The following SVOPL variants were observed in gnomAD, a reference collection of about 807,000 sequenced individuals.
SVOPL encodes putative transporter SVOPL.
A neutral mutation model predicts 61.0 loss-of-function variants in SVOPL; 60 were observed. The ratio of observed to expected loss-of-function variants is 0.98; its 90% CI spans 0.80 to 1.22. The LOEUF (loss-of-function observed/expected upper bound fraction) is 1.22, where lower values mean the gene tolerates loss of function less well. SVOPL is among the 50% of genes most tolerant of loss of function. The pLI is 0.00. For missense variants in SVOPL, 662 were observed against 643.9 expected (o/e 1.03, Z -0.30); for synonymous variants, 279 against 250.0 (o/e 1.12, Z -1.09).
intron 1 of SVOPL, chr7:138,689,098 A>T (rs992414754): frequency 1.3e-6 from 1 of 758,044 alleles, no homozygotes; most frequent in Non-Finnish European, 2.4e-6. Flanking sequence ...AAGGGTATGC[A>T]TATATGAAAA....
chr7:138,700,847 C>T (rs556682887), intron 1 of SVOPL, among the ~76,000 whole-genome samples: 76 of 152,248 alleles, frequency 5.0e-4, no homozygotes, highest in Non-Finnish European at 9.3e-4. Flanking sequence ...CTTCACAAAA[C>T]CTGGTGAGAA....
chr7:138,617,914 G>C (rs2116855045), intron 14 of SVOPL, among the ~76,000 whole-genome samples: 1 of 152,300 alleles, frequency 6.6e-6, no homozygotes, highest in Admixed American at 6.5e-5. Context: ...CCAAGGATCT[G>C]TGATCAAGTT....
chr7:138,621,012 ACT>A (rs752685109), intron 14 of SVOPL, 32 bp downstream of exon 14: 111 of 1,586,768 alleles, frequency 7.0e-5, no homozygotes, highest in Non-Finnish European at 8.2e-5. Flanking sequence ...CCTCTCTCAG[ACT>A]CTCTCTCTCC....
In SVOPL at chr7:138,594,468, C is replaced by T; in HGVS notation, c.*142G>A. ...TCAATATACAGTTACCTACCCCATTCCCATATATGCCTTTAAAAAAAAAAT... is the reference window on the plus strand; with the variant it reads ...TCAATATACAGTTACCTACCCCATTTCCATATATGCCTTTAAAAAAAAAAT... On this transcript the variant is annotated 3_prime_UTR_variant, in exon 16 of 16. Transcript: ENST00000674285. 1 of 541,072 alleles carries T rather than the reference C, an allele frequency of 1.8e-6. No homozygotes were observed. 33.5% of individuals were successfully genotyped at this position (541,072 alleles called of 1,614,324 possible).
At chr7:138,608,636 T>C (rs768646613) in intron 14 of SVOPL, among the ~76,000 whole-genome samples, 13 of 152,046 alleles carry the variant, frequency 8.6e-5, no homozygotes, top group Non-Finnish European at 1.9e-4. Flanking sequence ...AAGTTGGACA[T>C]GTACGATGTG....
intron 14 of SVOPL, among the ~76,000 whole-genome samples, chr7:138,611,886 T>C (rs1317363551): frequency 4.1e-5 from 3 of 72,936 alleles, no homozygotes; most frequent in Non-Finnish European, 5.5e-5. Context: ...CCACCCCGTC[T>C]GGGAGGTGTG....
intron 9 of SVOPL, among the ~76,000 whole-genome samples, chr7:138,640,920 G>A (rs761901011): frequency 6.6e-6 from 1 of 151,964 alleles, no homozygotes; most frequent in African/African-American, 2.4e-5. Flanking sequence ...AATAAGAGTT[G>A]ACTGGGTTAC....
In SVOPL at chr7:138,682,973, AAAAAAAAAAG is replaced by A. The variant is rs531946217; in HGVS notation, c.-34-3904_-34-3895del. ...ACAAGAGCAAAACTCCATCTCAAAA[AAAAAAAAAAG>A]AAAAAAAAAAGAAAAACAGCAATGT... On this transcript the variant is annotated intron_variant, in intron 1 of 15. Transcript: ENST00000674285. Among the ~76,000 whole-genome samples, 44 of 151,262 alleles carry A rather than the reference AAAAAAAAAAG, an allele frequency of 2.9e-4. No individual in the cohort carries two copies. The South Asian group carries it at 7.9e-3, about 27-fold the overall frequency.
intron 14 of SVOPL, among the ~76,000 whole-genome samples, chr7:138,606,654 G>A (rs1206437501): frequency 6.6e-6 from 1 of 152,124 alleles, no homozygotes; most frequent in Non-Finnish European, 1.5e-5. Context: ...CTGTTCCTCT[G>A]TTTAAAAGAA....
chr7:138,679,258 C>T (rs1802649832), intron 1 of SVOPL, among the ~76,000 whole-genome samples, 179 bp from the exon 2 acceptor site: 1 of 151,754 alleles, frequency 6.6e-6, no homozygotes, highest in African/African-American at 2.4e-5. Context: ...TGTTTTTTTT[C>T]CCCTACTACT....
intron 1 of SVOPL, among the ~76,000 whole-genome samples, chr7:138,683,831 A>G (rs550746047): frequency 4.0e-4 from 60 of 151,586 alleles, no homozygotes; most frequent in Middle Eastern, 3.2e-3. Flanking sequence ...AGGCGGGCAG[A>G]TCACAAGATC....
chr7:138,630,774 C>A (rs886427047), intron 9 of SVOPL, among the ~76,000 whole-genome samples: 1 of 152,028 alleles, frequency 6.6e-6, no homozygotes, highest in Non-Finnish European at 1.5e-5. Context: ...GAAAGCCCGT[C>A]TCTACCAAAA....
intron 3 of SVOPL, among the ~76,000 whole-genome samples, chr7:138,672,677 A>AAGC (rs1285672862): frequency 2.7e-5 from 4 of 149,582 alleles, no homozygotes; most frequent in African/African-American, 7.4e-5. Context: ...AAAAAAAAAG[A>AAGC]AGCAATGGGA....
At chr7:138,611,864 T>C (rs1322499666) in intron 14 of SVOPL, among the ~76,000 whole-genome samples, 4 of 79,000 alleles carry the variant, frequency 5.1e-5, no homozygotes, top group Non-Finnish European at 5.1e-5. Flanking sequence ...GATTGCAGCC[T>C]CTGCCCGGCC....
Position 138,678,299 on chromosome 7 carries a change from C to T in SVOPL, c.174+135G>A, listed in dbSNP as rs889480204. 2.2e-5 allele frequency: 18 copies of T among 825,662 alleles called. No individual in the cohort carries two copies. The African/African-American group carries it at 2.6e-4, about 12-fold the overall frequency. The allele number at this position is 825,662 out of a possible 1,614,324, so 51.1% of individuals were successfully genotyped here. A position where few individuals can be genotyped will look rare whatever the true frequency, so the allele number is the denominator to read the frequency against. On this transcript the variant is annotated intron_variant, in intron 3 of 15. Coordinates refer to ENST00000674285, the MANE Select transcript of SVOPL (RefSeq NM_001139456.2). ...CCTCCCTAAACGGTGCCCCATCCAC[C>T]TTGGGCACACGTTCTCAGGACCTCC...
At chr7:138,680,794 G>T (rs996004045) in intron 1 of SVOPL, among the ~76,000 whole-genome samples, 1 of 152,066 alleles carries the variant, frequency 6.6e-6, no homozygotes, top group Admixed American at 6.6e-5. Context: ...TAGCCAGGAT[G>T]GTCTCGATCT....
At chr7:138,658,684 G>A in intron 6 of SVOPL, among the ~76,000 whole-genome samples, 1 of 152,072 alleles carries the variant, frequency 6.6e-6, no homozygotes, top group East Asian at 1.9e-4. Context: ...GCTAACACCT[G>A]CTTGATCTAG....
chr7:138,683,825 G>A (rs1232959664), intron 1 of SVOPL, among the ~76,000 whole-genome samples: 1 of 151,520 alleles, frequency 6.6e-6, no homozygotes, highest in African/African-American at 2.4e-5. Context: ...AGGCTGAGGC[G>A]GGCAGATCAC....
intron 14 of SVOPL, among the ~76,000 whole-genome samples, chr7:138,601,755 T>C (rs142090800): frequency 7.2e-4 from 109 of 152,194 alleles, no homozygotes; most frequent in African/African-American, 2.5e-3. Flanking sequence ...ACCTAGAAAT[T>C]ATTCAATAGA....
Sources: allele counts gnomAD v4.1 joint callset (sites outside exome capture counted in the v4.1 genomes callset), GRCh38; gene constraint gnomAD v4.1.1; transcripts MANE v1.5; gene names NCBI Gene and HGNC (gene_info 2026-07-23, HGNC 2026-07-21).